The following PPP2R3A variants were observed in gnomAD, a reference collection of about 807,000 sequenced individuals.
PPP2R3A encodes the protein protein phosphatase 2 regulatory subunit B''alpha, also known as serine/threonine-protein phosphatase 2A regulatory subunit B'' subunit alpha.
PPP2R3A carries 80 observed loss-of-function variants against 106.9 expected under a neutral mutation model. The observed-to-expected ratio is 0.75, with a 90% CI of 0.62 to 0.90. PPP2R3A has a LOEUF of 0.90. Ranked by LOEUF, PPP2R3A falls within the 40% of genes least tolerant of loss-of-function variation. The pLI, the probability that PPP2R3A is intolerant of heterozygous loss-of-function variation, is 0.00. For synonymous variants in PPP2R3A, 483 were observed against 468.3 expected, an observed-to-expected ratio of 1.03 and a Z score of -0.41; for missense variants, 1,386 against 1,350.4, an observed-to-expected ratio of 1.03 and a Z score of -0.41.
intron 1 of PPP2R3A, among the ~76,000 whole-genome samples, chr3:135,973,429 A>C (rs1160106345): frequency 6.6e-6 from 1 of 152,218 alleles, no homozygotes; most frequent in South Asian, 2.1e-4. Flanking sequence ...CTCTTAGTGC[A>C]TAGTGAATCA....
rs572232282 is a variant in PPP2R3A, at chr3:136,141,165, A to G, written c.3330-3878A>G. On this transcript the variant is annotated intron_variant, in intron 13 of 13. Coordinates refer to ENST00000264977, the MANE Select transcript of PPP2R3A (RefSeq NM_002718.5). Reference sequence around the variant, plus strand: ...GTAAATATGAAGGAGACAAATAAATAAGATGAACCAGTAATGGACAAGGAG... The same window carrying G: ...GTAAATATGAAGGAGACAAATAAATGAGATGAACCAGTAATGGACAAGGAG... 6.6e-5 allele frequency among the ~76,000 whole-genome samples: 10 copies of G among 152,380 alleles called. No homozygotes were observed. The East Asian group carries it at 1.7e-3, about 26-fold the overall frequency.
intron 1 of PPP2R3A, among the ~76,000 whole-genome samples, chr3:135,995,791 A>G (rs554580209): frequency 7.2e-5 from 11 of 152,166 alleles, no homozygotes; most frequent in Non-Finnish European, 7.4e-5. Flanking sequence ...ATTTTTAACT[A>G]TATATCACTC....
chr3:136,096,470 T>C (rs1349773382), intron 10 of PPP2R3A, among the ~76,000 whole-genome samples: 1 of 152,196 alleles, frequency 6.6e-6, no homozygotes, highest in East Asian at 1.9e-4. Context: ...TTGTTTTCTG[T>C]GGACAAACTC....
At chr3:135,971,980 T>A (rs1370185147) in intron 1 of PPP2R3A, among the ~76,000 whole-genome samples, 2 of 152,176 alleles carry the variant, frequency 1.3e-5, no homozygotes, top group Non-Finnish European at 2.9e-5. Context: ...TGATTTTTTT[T>A]AATTGAGGTA....
intron 13 of PPP2R3A, among the ~76,000 whole-genome samples, chr3:136,119,113 A>C (rs1937894043): frequency 6.6e-6 from 1 of 152,240 alleles, no homozygotes; most frequent in Admixed American, 6.5e-5. Context: ...AAAAACAAGC[A>C]ATGGGAAAAG....
At chr3:136,003,848 C>T (rs1417849109) in intron 2 of PPP2R3A, among the ~76,000 whole-genome samples, 1 of 152,126 alleles carries the variant, frequency 6.6e-6, no homozygotes, top group Non-Finnish European at 1.5e-5. Flanking sequence ...AAGCAAGGTT[C>T]CTTACACAAA....
intron 1 of PPP2R3A, among the ~76,000 whole-genome samples, chr3:135,969,283 A>G (rs535452460): frequency 6.6e-6 from 1 of 152,312 alleles, no homozygotes; most frequent in Non-Finnish European, 1.5e-5. Context: ...GGCTGAGAGA[A>G]AAGAATGGTC....
chr3:135,965,907 C>T (rs1937066614), intron 1 of PPP2R3A, 58 bp downstream of exon 1: 1 of 142,420 alleles, frequency 7.0e-6, no homozygotes, highest in South Asian at 2.2e-4. Flanking sequence ...CGTCCCGGCC[C>T]GAGGGGGTGG....
At chr3:136,013,351 C>T (rs1007569152) in intron 2 of PPP2R3A, among the ~76,000 whole-genome samples, 3 of 152,052 alleles carry the variant, frequency 2.0e-5, no homozygotes, top group African/African-American at 4.8e-5. Context: ...AATGACTTCT[C>T]TTCCTCTGGG....
chr3:136,016,744 G>T (rs1460367423), intron 2 of PPP2R3A, among the ~76,000 whole-genome samples: 1 of 152,042 alleles, frequency 6.6e-6, no homozygotes. Flanking sequence ...GCAGATACTT[G>T]GTTGGTAAAT....
chr3:136,006,268 TAATGAA>T (rs1933840979), intron 2 of PPP2R3A, among the ~76,000 whole-genome samples: 1 of 152,352 alleles, frequency 6.6e-6, no homozygotes, highest in South Asian at 2.1e-4. Context: ...GAAAAGTACT[TAATGAA>T]AAGCTAATTC....
At chr3:136,117,975 C>A (rs1025962579) in intron 13 of PPP2R3A, among the ~76,000 whole-genome samples, 3 of 152,156 alleles carry the variant, frequency 2.0e-5, no homozygotes, top group African/African-American at 7.2e-5. Context: ...CGAAAATCCT[C>A]AATAAAATAC....
At chr3:136,027,909 C>T (rs1934726094) in intron 3 of PPP2R3A, among the ~76,000 whole-genome samples, 1 of 152,166 alleles carries the variant, frequency 6.6e-6, no homozygotes, top group Admixed American at 6.6e-5. Context: ...CCTAAGAGCC[C>T]ATGCACACTT....
chr3:136,069,529 G>T (rs189028336), intron 5 of PPP2R3A, among the ~76,000 whole-genome samples: 7 of 152,290 alleles, frequency 4.6e-5, no homozygotes, highest in Admixed American at 4.6e-4. Context: ...CATAAGCTGA[G>T]ATCGTAGCAC....
At chr3:136,023,376 A>G (rs1016789596) in intron 2 of PPP2R3A, among the ~76,000 whole-genome samples, 5 of 152,102 alleles carry the variant, frequency 3.3e-5, no homozygotes, top group African/African-American at 1.2e-4. Context: ...GCAGAAAGCT[A>G]TTTGCAGAGG....
intron 10 of PPP2R3A, among the ~76,000 whole-genome samples, chr3:136,091,427 G>A (rs945147566): frequency 1.3e-5 from 2 of 152,166 alleles, no homozygotes; most frequent in African/African-American, 2.4e-5. Context: ...ATCAGCCTGG[G>A]AAACATAACG....
intron 5 of PPP2R3A, among the ~76,000 whole-genome samples, chr3:136,068,410 C>T (rs1285473419): frequency 1.3e-5 from 2 of 152,012 alleles, no homozygotes; most frequent in African/African-American, 2.4e-5. Context: ...CCCAGCTACT[C>T]GGAAGGCTGA....
intron 1 of PPP2R3A, among the ~76,000 whole-genome samples, chr3:135,982,615 C>G: frequency 6.6e-6 from 1 of 152,130 alleles, no homozygotes; most frequent in Admixed American, 6.5e-5. Context: ...TCTATTTATT[C>G]TCAACCCTCC....
intron 3 of PPP2R3A, among the ~76,000 whole-genome samples, chr3:136,039,087 A>T (rs139734779): frequency 7.0e-4 from 107 of 152,208 alleles, no homozygotes; most frequent in African/African-American, 2.5e-3. Context: ...TTCTTTCAGG[A>T]TAACTAATGT....
Sources: gnomAD v4.1 joint callset for allele counts (sites outside exome capture counted in the v4.1 genomes callset) on GRCh38, gnomAD v4.1.1 for gene constraint, MANE v1.5 for transcripts, NCBI Gene and HGNC (gene_info 2026-07-23, HGNC 2026-07-21) for gene names.